The following MYO1D variants were observed in gnomAD, a reference collection of about 807,000 sequenced individuals.
The protein encoded by MYO1D is myosin ID, also known as unconventional myosin-Id.
A neutral mutation model predicts 122.0 loss-of-function variants in MYO1D; 83 were observed. The ratio of observed to expected loss-of-function variants is 0.68; its 90% CI spans 0.57 to 0.82. The LOEUF is 0.82. Ranked by LOEUF, MYO1D falls within the 40% of genes least tolerant of loss-of-function variation. The pLI is 0.00. For synonymous variants in MYO1D, 464 were observed against 446.9 expected, an observed-to-expected ratio of 1.04 and a Z score of -0.48; for missense variants, 1,157 against 1,269.5, an observed-to-expected ratio of 0.91 and a Z score of 1.35.
At chr17:32,843,101 G>A (rs2090899536) in intron 1 of MYO1D, among the ~76,000 whole-genome samples, 1 of 151,924 alleles carries the variant, frequency 6.6e-6, no homozygotes. Context: ...TATTGGTCAG[G>A]CTGGTCTCGA....
intron 1 of MYO1D, among the ~76,000 whole-genome samples, chr17:32,821,687 G>C (rs1289501864): frequency 6.6e-6 from 1 of 152,098 alleles, no homozygotes; most frequent in Non-Finnish European, 1.5e-5. Context: ...CTAGGGACTG[G>C]GGGGAAAAGT....
intron 15 of MYO1D, among the ~76,000 whole-genome samples, chr17:32,712,471 A>G (rs2089390751): frequency 6.6e-6 from 1 of 152,194 alleles, no homozygotes; most frequent in Non-Finnish European, 1.5e-5. Context: ...ATAAAGGGGT[A>G]ACCTTAGAAA....
intron 21 of MYO1D, among the ~76,000 whole-genome samples, chr17:32,525,985 A>G (rs1910327450): frequency 6.6e-6 from 1 of 152,136 alleles, no homozygotes; most frequent in Admixed American, 6.6e-5. Context: ...TGCACACGCT[A>G]TTCCCCACCT....
intron 21 of MYO1D, among the ~76,000 whole-genome samples, chr17:32,553,027 A>C (rs1309220082): frequency 6.8e-6 from 1 of 146,034 alleles, no homozygotes; most frequent in African/African-American, 2.5e-5. Context: ...GCTTGAGTCC[A>C]GGAGTTCAGG....
intron 16 of MYO1D, among the ~76,000 whole-genome samples, chr17:32,664,381 C>T (rs776318601): frequency 1.3e-5 from 2 of 152,076 alleles, no homozygotes; most frequent in Non-Finnish European, 2.9e-5. Flanking sequence ...ACAAAGCTTA[C>T]GTTTGTAAAG....
chr17:32,711,904 T>A, intron 16 of MYO1D, 84 bp downstream of exon 16: 1 of 1,137,332 alleles, frequency 8.8e-7, no homozygotes, highest in Non-Finnish European at 1.2e-6. Context: ...TCCAGGAATA[T>A]TTCTTGAATT....
chr17:32,597,868 C>CAAAAAAAA (rs755415435), intron 21 of MYO1D, among the ~76,000 whole-genome samples: 4 of 62,712 alleles, frequency 6.4e-5, no homozygotes, highest in South Asian at 6.1e-4. Flanking sequence ...AACCCTGTCT[C>CAAAAAAAA]AAAAAAAAAA....
chr17:32,576,526 G>A (rs946488290), intron 21 of MYO1D, among the ~76,000 whole-genome samples: 6 of 152,126 alleles, frequency 3.9e-5, no homozygotes, highest in Admixed American at 3.3e-4. Context: ...AACCTTAATT[G>A]GACTAAATCA....
At chr17:32,561,688 C>CAAA (rs60531756) in intron 21 of MYO1D, among the ~76,000 whole-genome samples, 8 of 71,780 alleles carry the variant, frequency 1.1e-4, no homozygotes, top group South Asian at 4.4e-4. Context: ...GGCTCTGTCT[C>CAAA]AAAAAAAAAA....
At chr17:32,855,514 A>C (rs781550338) in intron 1 of MYO1D, among the ~76,000 whole-genome samples, 1 of 152,102 alleles carries the variant, frequency 6.6e-6, no homozygotes, top group Non-Finnish European at 1.5e-5. Flanking sequence ...TAATTCATTC[A>C]CCTTTGTTGT....
intron 10 of MYO1D, 133 bp downstream of exon 10, chr17:32,760,157 T>C (rs749201997): frequency 2.4e-6 from 2 of 834,510 alleles, no homozygotes; most frequent in African/African-American, 3.3e-5. Flanking sequence ...TGTATTTACA[T>C]ATCCCAAAAA....
chr17:32,627,390 A>G (rs2087942296), intron 20 of MYO1D, among the ~76,000 whole-genome samples: 1 of 152,164 alleles, frequency 6.6e-6, no homozygotes, highest in Non-Finnish European at 1.5e-5. Flanking sequence ...AGGGTGCTTT[A>G]GAAATGGTGA....
At chr17:32,501,772 G>A (rs1321803561) in intron 21 of MYO1D, among the ~76,000 whole-genome samples, 2 of 152,204 alleles carry the variant, frequency 1.3e-5, no homozygotes, top group African/African-American at 4.8e-5. Context: ...GCATCCTTTA[G>A]AATATCCTTC....
At chr17:32,697,333 C>G (rs939766449) in intron 16 of MYO1D, among the ~76,000 whole-genome samples, 9 of 152,212 alleles carry the variant, frequency 5.9e-5, no homozygotes, top group African/African-American at 2.2e-4. Flanking sequence ...TTTCTTCTCA[C>G]AGCATACTGG....
Position 32,760,365 on chromosome 17 carries a change from C to A in MYO1D, c.1221G>T (p.Leu407=), listed in dbSNP as rs2089988166. Residue 407 remains leucine (L), a synonymous_variant, in exon 10 of 22, where the codon CTG becomes CTT. Transcript: ENST00000318217. ...QFCINYCNEK[L]QQLFIQLVLK... is the part of the protein sequence containing the mutation. ...GAACCAGCTGAATAAATAGCTGCTG[C>A]AGTTTCTCATTGCAGTAATTGATAC... is the stretch of plus-strand genomic sequence containing the variant. 5.6e-6 allele frequency: 9 copies of A among 1,612,154 alleles called. No homozygotes were observed. The highest frequency in any genetic ancestry group is 3.3e-4 in the Middle Eastern group (2 of 6,078).
intron 21 of MYO1D, chr17:32,496,021 CGCCAGGGCCAAG>C (rs1909092703): frequency 6.6e-6 from 1 of 152,386 alleles, no homozygotes; most frequent in African/African-American, 2.4e-5. Context: ...GCCAGGGGAA[CGCCAGGGCCAAG>C]GCCAGCATGC....
chr17:32,822,284 AAACACCGC>A (rs1314659918), intron 1 of MYO1D, among the ~76,000 whole-genome samples: 4 of 151,792 alleles, frequency 2.6e-5, no homozygotes, highest in African/African-American at 9.7e-5. Context: ...ACAGAAAACC[AAACACCGC>A]ATGTTCTCAC....
At chr17:32,729,698 A>G (rs559341605) in intron 14 of MYO1D, among the ~76,000 whole-genome samples, 22 of 152,324 alleles carry the variant, frequency 1.4e-4, no homozygotes, top group Admixed American at 1.3e-3. Context: ...AAAGACAGTC[A>G]TAAGGCTGAA....
intron 13 of MYO1D, among the ~76,000 whole-genome samples, chr17:32,743,737 C>T (rs1387990363): frequency 6.6e-6 from 1 of 152,044 alleles, no homozygotes; most frequent in African/African-American, 2.4e-5. Flanking sequence ...CCTGCCTCAG[C>T]CTCCTGAGTA....
Sources: gnomAD v4.1 joint callset for allele counts (sites outside exome capture counted in the v4.1 genomes callset) on GRCh38, gnomAD v4.1.1 for gene constraint, MANE v1.5 for transcripts, NCBI Gene and HGNC (gene_info 2026-07-23, HGNC 2026-07-21) for gene names.